Variants in COL5A1 observed in about 807,000 individuals in gnomAD.
COL5A1 encodes collagen alpha-1(V) chain.
COL5A1 carries 16 observed loss-of-function variants against 263.7 expected under a neutral mutation model. The ratio of observed to expected loss-of-function variants is 0.06; its 90% CI spans 0.04 to 0.09. The LOEUF is 0.09. COL5A1 is among the 10% of genes least tolerant of loss of function. The pLI, the probability that COL5A1 is intolerant of heterozygous loss-of-function variation, is 1.00. For missense variants in COL5A1, 2,036 were observed against 2,540.5 expected (o/e 0.80, Z 4.27); for synonymous variants, 1,012 against 1,004.5 (o/e 1.01, Z -0.14).
At chr9:134,654,179 G>T (rs1292948765) in intron 1 of COL5A1, among the ~76,000 whole-genome samples, 1 of 145,882 alleles carries the variant, frequency 6.9e-6, no homozygotes, top group Non-Finnish European at 1.5e-5. Flanking sequence ...GGTGTATAGG[G>T]CTGGAGGTGT....
chr9:134,767,476 A>T (rs1262759363), intron 24 of COL5A1, 122 bp downstream of exon 24: 2 of 906,950 alleles, frequency 2.2e-6, no homozygotes, highest in Non-Finnish European at 3.5e-6. Context: ...CTCCCAAGAG[A>T]CGCCAAAGCT....
At chr9:134,727,203 C>T in intron 4 of COL5A1, 63 bp from the exon 5 acceptor site, 1 of 1,576,834 alleles carries the variant, frequency 6.3e-7, no homozygotes, top group Non-Finnish European at 8.7e-7. Flanking sequence ...GGGGCTGTGT[C>T]TCCCAGGTCC....
In COL5A1 at chr9:134,808,930, C is replaced by T. The variant is rs541033779; in HGVS notation, c.3367-253C>T. 2.3e-5 allele frequency: 13 copies of T among 563,922 alleles called. No homozygotes were observed. The East Asian group carries it at 3.6e-4, about 16-fold the overall frequency. The allele number at this position is 563,922 out of a possible 1,614,324, so 34.9% of individuals were successfully genotyped here. Reference sequence around the variant, plus strand: ...CTCACTAACTGTGCCTCAGTTTCCCCATCTGTAAAAGAGCAGCCTTTCCTA... The same window carrying T: ...CTCACTAACTGTGCCTCAGTTTCCCTATCTGTAAAAGAGCAGCCTTTCCTA... On this transcript the variant is annotated intron_variant, in intron 42 of 65. Transcript: ENST00000371817.
At chr9:134,750,384 G>C (rs1835730406) in intron 11 of COL5A1, among the ~76,000 whole-genome samples, 158 bp from the exon 12 acceptor site, 1 of 152,138 alleles carries the variant, frequency 6.6e-6, no homozygotes, top group Admixed American at 6.5e-5. Context: ...TCTCCGGGTG[G>C]GGGTTTCTGA....
intron 4 of COL5A1, among the ~76,000 whole-genome samples, chr9:134,712,879 T>A (rs923209571): frequency 6.6e-6 from 1 of 151,942 alleles, no homozygotes; most frequent in Non-Finnish European, 1.5e-5. Flanking sequence ...TTTTTCCAGG[T>A]GCCCCCAGCC....
chr9:134,733,129 C>T (rs537727434), intron 9 of COL5A1, among the ~76,000 whole-genome samples: 11 of 152,326 alleles, frequency 7.2e-5, no homozygotes, highest in African/African-American at 2.6e-4. Context: ...GGACTCAGTT[C>T]CTGAGGGCTG....
rs1838852603 is a variant in COL5A1, at chr9:134,818,433, G to A, written c.4231-223G>A. On this transcript the variant is annotated intron_variant, in intron 54 of 65. Transcript: ENST00000371817. This position sits in a 1 kb window ranked among gnomAD's most constrained non-coding sequence, Gnocchi z 6.0. Reference sequence around the variant, plus strand: ...TGACACCCGGTCTGTGGTCGGCGCAGTCAGCGGAGACGGGATCCCTGCTGG... The same window carrying A: ...TGACACCCGGTCTGTGGTCGGCGCAATCAGCGGAGACGGGATCCCTGCTGG... Among the ~76,000 whole-genome samples the A allele has an allele frequency of 6.6e-6, 1 of 152,194 alleles. No homozygotes were observed.
intron 25 of COL5A1, among the ~76,000 whole-genome samples, chr9:134,769,869 A>AGAT (rs1836814203): frequency 6.6e-6 from 1 of 151,112 alleles, no homozygotes; most frequent in Non-Finnish European, 1.5e-5. Flanking sequence ...GCTGCACCCC[A>AGAT]CCTTCCTGCC....
chr9:134,799,581 C>A (rs945521802), intron 37 of COL5A1, among the ~76,000 whole-genome samples: 30 of 152,298 alleles, frequency 2.0e-4, no homozygotes, highest in Non-Finnish European at 3.5e-4. Flanking sequence ...AAGCAGGTCC[C>A]CTCGTGGAAT....
intron 64 of COL5A1, 59 bp from the exon 65 acceptor site, chr9:134,834,912 G>C (rs1839792170): frequency 8.1e-7 from 1 of 1,236,010 alleles, no homozygotes; most frequent in Non-Finnish European, 1.2e-6. Flanking sequence ...TGCGGACGTG[G>C]GGCTTTGTTG....
At chr9:134,792,846 T>C (rs1837754700) in intron 32 of COL5A1, among the ~76,000 whole-genome samples, 1 of 150,836 alleles carries the variant, frequency 6.6e-6, no homozygotes, top group East Asian at 2.0e-4. Flanking sequence ...TGTATGTGTG[T>C]GTGCGCACAC....
chr9:134,820,256 G>A lies in COL5A1; in HGVS notation c.4554+33G>A, dbSNP rs1354719682. ...AGATGGCACTTCTTGCATGTGGGCT[G>A]TCGAGAGGCATTTTAGATCCCTGGG... is the stretch of plus-strand genomic sequence containing the variant. On this transcript the variant is annotated intron_variant, in intron 58 of 65. Transcript: ENST00000371817. The A allele has an allele frequency of 3.2e-6, 5 of 1,559,498 alleles. No homozygotes were observed. In the South Asian group the frequency reaches 5.6e-5, roughly 17 times the overall value.
chr9:134,814,428 C>G (rs1838660632), intron 49 of COL5A1, among the ~76,000 whole-genome samples: 1 of 152,214 alleles, frequency 6.6e-6, no homozygotes, highest in African/African-American at 2.4e-5. Flanking sequence ...GGCCCAGGAC[C>G]AGCTGGGTGG....
At chr9:134,810,337 G>C in intron 44 of COL5A1, 29 bp downstream of exon 44, 1 of 1,609,614 alleles carries the variant, frequency 6.2e-7, no homozygotes. Context: ...GCGCGCGGCA[G>C]CCCCCAGGTC....
chr9:134,767,230 G>C, intron 23 of COL5A1, 80 bp from the exon 24 acceptor site: 3 of 1,510,158 alleles, frequency 2.0e-6, no homozygotes, highest in Non-Finnish European at 2.8e-6. Context: ...ACATCAATGA[G>C]AAGATGGACA....
intron 36 of COL5A1, among the ~76,000 whole-genome samples, chr9:134,797,299 C>T (rs1447607167): frequency 6.6e-6 from 1 of 152,192 alleles, no homozygotes; most frequent in Non-Finnish European, 1.5e-5. Context: ...AGTTGGAGAG[C>T]AAAGTGTGGT....
At chr9:134,798,996 A>G (rs1172158473) in intron 37 of COL5A1, among the ~76,000 whole-genome samples, 1 of 152,216 alleles carries the variant, frequency 6.6e-6, no homozygotes, top group Non-Finnish European at 1.5e-5. Context: ...TTCCAGCTCC[A>G]ATCCAGGGGG....
In COL5A1 at chr9:134,642,987, G is replaced by T. The variant is rs548471093; in HGVS notation, c.109+691G>T. On this transcript the variant is annotated intron_variant, in intron 1 of 65. Coordinates refer to ENST00000371817, the MANE Select transcript of COL5A1 (RefSeq NM_000093.5). This position sits in a 1 kb window ranked among gnomAD's most constrained non-coding sequence, Gnocchi z 4.5. ...GATTCGCTGCTGAGAGATGGGATGC[G>T]TGGAGCAAAGCCAGAGATGGGCTTG... 9.2e-5 allele frequency among the ~76,000 whole-genome samples: 14 copies of T among 152,366 alleles called. No individual in the cohort carries two copies. The highest frequency in any genetic ancestry group is 3.4e-4 in the African/African-American group (14 of 41,602).
chr9:134,699,466 T>C (rs987133872), intron 2 of COL5A1, among the ~76,000 whole-genome samples: 3 of 150,344 alleles, frequency 2.0e-5, no homozygotes, highest in African/African-American at 7.4e-5. Context: ...TCCGTCTCTC[T>C]CCCTCCCTCC....
Sources: allele counts gnomAD v4.1 joint callset (sites outside exome capture counted in the v4.1 genomes callset), GRCh38; gene constraint gnomAD v4.1.1; non-coding constraint Gnocchi (gnomAD v3.1); transcripts MANE v1.5; gene names NCBI Gene and HGNC (gene_info 2026-07-23, HGNC 2026-07-21).